NCKAP5: variants seen among roughly 807,000 people sequenced by gnomAD.
NCKAP5 encodes nck-associated protein 5.
In NCKAP5, 92 loss-of-function variants were observed where a neutral mutation model predicts 167.0. That is an observed-to-expected ratio of 0.55 (90% CI 0.47 to 0.66). The LOEUF (loss-of-function observed/expected upper bound fraction) is 0.66, where lower values mean the gene tolerates loss of function less well. Among genes scored for constraint, NCKAP5 ranks in the 30% least tolerant of loss-of-function variants. NCKAP5 has a pLI of 0.00. For missense variants in NCKAP5, 2,378 were observed against 2,315.0 expected, an observed-to-expected ratio of 1.03 and a Z score of -0.56; for synonymous variants, 891 against 877.4, an observed-to-expected ratio of 1.02 and a Z score of -0.27.
chr2:132,814,999 G>C (rs1292372803), intron 11 of NCKAP5, among the ~76,000 whole-genome samples: 1 of 152,136 alleles, frequency 6.6e-6, no homozygotes, highest in Non-Finnish European at 1.5e-5. Context: ...TCCTAGGGTG[G>C]AAATTGTGAA....
chr2:133,246,612 A>T (rs536528659), intron 4 of NCKAP5, among the ~76,000 whole-genome samples: 11 of 152,336 alleles, frequency 7.2e-5, no homozygotes, highest in Admixed American at 1.3e-4. Flanking sequence ...TTTGTGAAAT[A>T]GCATTGTTTC....
intron 5 of NCKAP5, among the ~76,000 whole-genome samples, chr2:133,148,770 T>C (rs1489460760): frequency 2.0e-5 from 3 of 152,110 alleles, no homozygotes; most frequent in Non-Finnish European, 4.4e-5. Context: ...GATAAAGTCA[T>C]GTTAATCCTA....
chr2:132,690,460 T>C (rs1204735736), intron 19 of NCKAP5, among the ~76,000 whole-genome samples: 4 of 152,240 alleles, frequency 2.6e-5, no homozygotes, highest in Admixed American at 2.0e-4. Flanking sequence ...CAATGTTTAA[T>C]ATTAGAAGTG....
At chr2:133,046,507 T>G (rs1298008670) in intron 6 of NCKAP5, among the ~76,000 whole-genome samples, 1 of 152,066 alleles carries the variant, frequency 6.6e-6, no homozygotes, top group Non-Finnish European at 1.5e-5. Context: ...GCCTTCCAAG[T>G]AGCTGGGACT....
chr2:133,186,515 G>A (rs1284172301), intron 5 of NCKAP5, among the ~76,000 whole-genome samples: 1 of 152,072 alleles, frequency 6.6e-6, no homozygotes, highest in African/African-American at 2.4e-5. Flanking sequence ...TTTTGGAATA[G>A]TTCTAGTAAG....
At chr2:133,143,650 A>C (rs1423956356) in intron 5 of NCKAP5, among the ~76,000 whole-genome samples, 5 of 152,090 alleles carry the variant, frequency 3.3e-5, no homozygotes, top group Admixed American at 3.3e-4. Context: ...AGGACAAATA[A>C]AGTGAAGGAA....
chr2:133,440,026 C>T (rs1203321812), intron 3 of NCKAP5, among the ~76,000 whole-genome samples: 1 of 152,268 alleles, frequency 6.6e-6, no homozygotes, highest in African/African-American at 2.4e-5. Context: ...CACAATAGAC[C>T]TCACATTATT....
intron 4 of NCKAP5, among the ~76,000 whole-genome samples, chr2:133,274,683 A>G (rs1302337120): frequency 2.6e-5 from 4 of 152,002 alleles, no homozygotes; most frequent in Non-Finnish European, 5.9e-5. Context: ...ACAGACTCAC[A>G]TTTATGGACT....
rs1481138101 is a variant in NCKAP5 at position 132,784,003 on chromosome 2, G to A, written c.2808C>T (p.Ser936=). 3.2e-6 allele frequency: 5 copies of A among 1,585,648 alleles called. No individual in the cohort carries two copies. The highest frequency in any genetic ancestry group is 2.3e-5 in the South Asian group (2 of 86,732). ...AGCTGGGCCTGGCCAGCAGGGAGAC[G>A]GACCTGCCTGGAGGGGGCGGAGGGG... ...SPSPPPPPGR[S]VSLLARPSYD... is the part of the protein sequence containing the mutation. Residue 936 remains serine, a synonymous_variant, in exon 14 of 20, where the codon TCC becomes TCT. Coordinates refer to ENST00000409261, the MANE Select transcript of NCKAP5 (RefSeq NM_207363.3).
In NCKAP5 at chr2:132,716,014, T is replaced by C. The variant is rs549603608; in HGVS notation, c.5713+9613A>G. Among the ~76,000 whole-genome samples, 3 of 152,278 alleles carry C rather than the reference T, an allele frequency of 2.0e-5. No individual in the cohort carries two copies. In the East Asian group the frequency reaches 5.8e-4, roughly 29 times the overall value. ...CTGTGGTTGGGGGCTGTCCTGTGCA[T>C]TGTAAGGTGTTTAGCCTCATCCCTT... On this transcript the variant is annotated intron_variant, in intron 19 of 19. Coordinates refer to ENST00000409261, the MANE Select transcript of NCKAP5 (RefSeq NM_207363.3).
intron 5 of NCKAP5, among the ~76,000 whole-genome samples, chr2:133,133,355 C>G (rs192863183): frequency 6.6e-6 from 1 of 152,324 alleles, no homozygotes; most frequent in East Asian, 1.9e-4. Context: ...ATTTTCAAAG[C>G]TCCTCAATCA....
chr2:133,279,716 C>T lies in NCKAP5; in HGVS notation c.143+23321G>A, dbSNP rs1290362795. On this transcript the variant is annotated intron_variant, in intron 4 of 19. Transcript: ENST00000409261. ...ACTTTTCAGCCACAACTGAGCACAC[C>T]GTTGTTCTATGATAGCATTATTGTC... Among the ~76,000 whole-genome samples the T allele has an allele frequency of 4.6e-5, 7 of 152,110 alleles. No individual in the cohort carries two copies. The East Asian group carries it at 1.3e-3, about 29-fold the overall frequency.
intron 19 of NCKAP5, among the ~76,000 whole-genome samples, chr2:132,710,950 T>C (rs542828813): frequency 1.3e-5 from 2 of 152,358 alleles, no homozygotes; most frequent in South Asian, 4.1e-4. Context: ...TTATGCTTTG[T>C]TCTGAAAATC....
At chr2:132,984,073 A>G (rs1175545415) in intron 7 of NCKAP5, among the ~76,000 whole-genome samples, 1 of 152,188 alleles carries the variant, frequency 6.6e-6, no homozygotes, top group Non-Finnish European at 1.5e-5. Context: ...CCAGAGCAAC[A>G]TAGTGAGACT....
chr2:133,240,181 T>C (rs1486577917), intron 4 of NCKAP5, among the ~76,000 whole-genome samples: 6 of 152,136 alleles, frequency 3.9e-5, no homozygotes, highest in Non-Finnish European at 2.9e-5. Flanking sequence ...AAGGCTAAAA[T>C]CCAAAATTAA....
chr2:133,174,704 T>TC (rs1184786947), intron 5 of NCKAP5, among the ~76,000 whole-genome samples: 1 of 147,652 alleles, frequency 6.8e-6, no homozygotes, highest in Non-Finnish European at 1.5e-5. Context: ...AGTAACATCT[T>TC]TTTTTTTTTT....
rs77651089 is a variant in NCKAP5 at position 133,553,218 on chromosome 2, C to T, written c.-62+5832G>A. Among the ~76,000 whole-genome samples the T allele has an allele frequency of 1.2e-4, 19 of 152,302 alleles. 1 individual carries two copies. The East Asian group carries it at 3.7e-3, about 29-fold the overall frequency. ...GTATGCTGTCCAGACTAGAGGTGGA[C>T]TATAAGTTTTGAAATCCTTAAGCAC... On this transcript the variant is annotated intron_variant, in intron 2 of 19. Transcript: ENST00000409261.
intron 11 of NCKAP5, among the ~76,000 whole-genome samples, chr2:132,835,377 G>A (rs537165215): frequency 9.2e-5 from 14 of 152,212 alleles, no homozygotes; most frequent in Non-Finnish European, 1.3e-4. Flanking sequence ...GTTGATCTTT[G>A]CCCTCTCAGC....
intron 5 of NCKAP5, among the ~76,000 whole-genome samples, chr2:133,200,269 G>C (rs1057182114): frequency 6.6e-6 from 1 of 151,828 alleles, no homozygotes; most frequent in South Asian, 2.1e-4. Flanking sequence ...CTGGCACACA[G>C]ATAGACTAAT....
Sources: allele counts gnomAD v4.1 joint callset (sites outside exome capture counted in the v4.1 genomes callset), GRCh38; gene constraint gnomAD v4.1.1; transcripts MANE v1.5; gene names NCBI Gene and HGNC (gene_info 2026-07-23, HGNC 2026-07-21).